FAM210A: variants seen among roughly 807,000 people sequenced by gnomAD.
FAM210A encodes the protein mitochondrial inner membrane scaffold 1, also known as family with sequence similarity 210 member A.
In FAM210A, 13 loss-of-function variants were observed where a neutral mutation model predicts 25.3. The observed-to-expected ratio is 0.51, with a 90% CI of 0.33 to 0.82. The LOEUF is 0.82. Ranked by LOEUF, FAM210A falls within the 40% of genes least tolerant of loss-of-function variation. The pLI, the probability that FAM210A is intolerant of heterozygous loss-of-function variation, is 0.02. For synonymous variants in FAM210A, 125 were observed against 118.7 expected (o/e 1.05, Z -0.35); for missense variants, 319 against 323.2 (o/e 0.99, Z 0.10).
At chr18:13,671,719 A>G in intron 3 of FAM210A, 143 bp downstream of exon 3, 1 of 476,444 alleles carries the variant, frequency 2.1e-6, no homozygotes, top group East Asian at 3.3e-5. Context: ...ATTATCTTAC[A>G]TTATTCACCA....
chr18:13,667,594 C>A (rs1255237895), intron 3 of FAM210A, among the ~76,000 whole-genome samples: 1 of 152,076 alleles, frequency 6.6e-6, no homozygotes, highest in Non-Finnish European at 1.5e-5. Flanking sequence ...TGGCAGGCAC[C>A]TGTAATCCCA....
chr18:13,717,083 C>A (rs888297413), intron 1 of FAM210A, among the ~76,000 whole-genome samples: 2 of 152,198 alleles, frequency 1.3e-5, no homozygotes, highest in Non-Finnish European at 2.9e-5. Flanking sequence ...CAGCTGAAAG[C>A]AGCTTACTGA....
chr18:13,706,286 C>T, intron 1 of FAM210A, among the ~76,000 whole-genome samples: 1 of 151,466 alleles, frequency 6.6e-6, no homozygotes, highest in East Asian at 1.9e-4. Context: ...AGTTCTACTA[C>T]CATGAGACTC....
Position 13,688,823 on chromosome 18 carries a change from G to A in FAM210A, c.-28-6718C>T, listed in dbSNP as rs116647563. On this transcript the variant is annotated intron_variant, in intron 1 of 3. Transcript: ENST00000651643. The stretch of plus-strand genomic sequence containing the variant: ...CTAGATGCTACCACATGGCCTGCAC[G>A]GAGTTCGCTCCAGCTGGTGCTAAAG... Among the ~76,000 whole-genome samples, 913 of 152,380 alleles carry A rather than the reference G, an allele frequency of 6.0e-3. 7 individuals carry two copies. The highest frequency in any genetic ancestry group is 0.02 in the African/African-American group (840 of 41,598).
At chr18:13,686,210 C>T (rs895268549) in intron 1 of FAM210A, among the ~76,000 whole-genome samples, 7 of 152,140 alleles carry the variant, frequency 4.6e-5, no homozygotes, top group African/African-American at 1.7e-4. Flanking sequence ...AAGATCTTAT[C>T]TGAGGAATTC....
Position 13,671,975 on chromosome 18 carries a change from T to TAA in FAM210A, c.474-3_474-2insTT. ...AGAAAAGGAACGACATTCACTCCTC[T>TAA]ACAAAAAAAAAAAAGTAATTTTCAT... On this transcript the variant is annotated splice_polypyrimidine_tract_variant and splice_region_variant and intron_variant, in intron 2 of 3. Coordinates refer to ENST00000651643, the MANE Select transcript of FAM210A (RefSeq NM_152352.4). The TAA allele has an allele frequency of 1.3e-6, 2 of 1,554,078 alleles. No individual in the cohort carries two copies. The highest frequency in any genetic ancestry group is 1.9e-5 in the Admixed American group (1 of 51,964).
intron 3 of FAM210A, 137 bp downstream of exon 3, chr18:13,671,725 C>T (rs1221322598): frequency 4.3e-6 from 2 of 470,388 alleles, no homozygotes; most frequent in Non-Finnish European, 7.8e-6. Flanking sequence ...TTACATTATT[C>T]ACCAGACATA....
rs1161261643 is a variant in FAM210A, at chr18:13,663,735, G to C, written c.*2745C>G. Reference sequence around the variant, plus strand: ...GCAGGCTGAGGTGGGAGGATCACTTGAGCCAGGAGTTCAAGACGCAAGTGA... The same window carrying C: ...GCAGGCTGAGGTGGGAGGATCACTTCAGCCAGGAGTTCAAGACGCAAGTGA... On this transcript the variant is annotated 3_prime_UTR_variant, in exon 4 of 4. Coordinates refer to ENST00000651643, the MANE Select transcript of FAM210A (RefSeq NM_152352.4). 6.6e-6 allele frequency: 1 copy of C among 152,112 alleles called. No individual in the cohort carries two copies. The allele number at this position is 152,112 out of a possible 1,614,324, so 9.4% of individuals were successfully genotyped here.
rs2043390953 is a variant in FAM210A, at chr18:13,665,373, C to G, written c.*1107G>C. 1 of 53,932 alleles carries G rather than the reference C, an allele frequency of 1.9e-5. No individual in the cohort carries two copies. Among genetic ancestry groups the G allele is most frequent in the Non-Finnish European group, 4.1e-5 (1 of 24,670 alleles). 3.3% of individuals were successfully genotyped at this position (53,932 alleles called of 1,614,324 possible). A position where few individuals can be genotyped will look rare whatever the true frequency, so the allele number is the denominator to read the frequency against. On this transcript the variant is annotated 3_prime_UTR_variant, in exon 4 of 4. Transcript: ENST00000651643. ...CCAGTCTGGGAGAGAGAGAGGGAGG[C>G]TCCGTCTCAAAAAAAAAAAAAAAAA...
chr18:13,714,905 G>A (rs144208132), intron 1 of FAM210A, among the ~76,000 whole-genome samples: 2 of 152,176 alleles, frequency 1.3e-5, no homozygotes, highest in East Asian at 1.9e-4. Context: ...AATGCACTAT[G>A]AATAGCGTCC....
At chr18:13,679,573 C>G (rs72884497) in intron 2 of FAM210A, among the ~76,000 whole-genome samples, 6 of 152,208 alleles carry the variant, frequency 3.9e-5, no homozygotes, top group Non-Finnish European at 8.8e-5. Flanking sequence ...GAAAGCAACC[C>G]ATCCTGCCCA....
intron 2 of FAM210A, among the ~76,000 whole-genome samples, chr18:13,677,981 C>CA (rs1233212384): frequency 3.4e-4 from 51 of 152,068 alleles, no homozygotes; most frequent in Non-Finnish European, 5.6e-4. Context: ...CATCAAAAGT[C>CA]AGAGGAAACC....
At chr18:13,725,742 C>G (rs2043937766) in intron 1 of FAM210A, among the ~76,000 whole-genome samples, 1 of 152,140 alleles carries the variant, frequency 6.6e-6, no homozygotes, top group African/African-American at 2.4e-5. Flanking sequence ...CGCTTTCACT[C>G]CCCAGTAGAA....
chr18:13,672,952 A>G (rs2043455643), intron 2 of FAM210A, among the ~76,000 whole-genome samples: 1 of 152,164 alleles, frequency 6.6e-6, no homozygotes, highest in Admixed American at 6.5e-5. Flanking sequence ...TTGAGCCGCA[A>G]CTTCTCCGTT....
At chr18:13,713,012 G>A (rs988831389) in intron 1 of FAM210A, among the ~76,000 whole-genome samples, 3 of 152,144 alleles carry the variant, frequency 2.0e-5, no homozygotes, top group Admixed American at 6.6e-5. Flanking sequence ...TCTATCTTTC[G>A]TTGTTACAAA....
chr18:13,722,647 G>A (rs1244066756), intron 1 of FAM210A, among the ~76,000 whole-genome samples: 1 of 152,130 alleles, frequency 6.6e-6, no homozygotes, highest in Non-Finnish European at 1.5e-5. Context: ...TTTAATAGCA[G>A]ACCAAGGTGA....
In FAM210A at chr18:13,666,705, T is replaced by C; in HGVS notation, c.594A>G (p.Thr198=). Residue 198 remains threonine, a synonymous_variant, in exon 4 of 4, where the codon ACA becomes ACG. Transcript: ENST00000651643. ...CCAAAGTCACGGTATACCGAGCAGG[T>C]GTTGCAATCTTAAGCAAAAAGCAAA... ...LTAYALFKIA[T]PARYTVTLGG... 1 of 1,611,418 alleles carries C rather than the reference T, an allele frequency of 6.2e-7. No individual in the cohort carries two copies. Among genetic ancestry groups the C allele is most frequent in the Non-Finnish European group, 8.5e-7 (1 of 1,178,018 alleles).
intron 1 of FAM210A, among the ~76,000 whole-genome samples, chr18:13,725,722 G>A (rs1038894630): frequency 1.3e-5 from 2 of 152,192 alleles, no homozygotes; most frequent in African/African-American, 4.8e-5. Flanking sequence ...TCGAGTTTCA[G>A]TACAGTAGGC....
chr18:13,704,157 A>T lies in FAM210A; in HGVS notation c.-28-22052T>A, dbSNP rs140936058. On this transcript the variant is annotated intron_variant, in intron 1 of 3. Transcript: ENST00000651643. ...TGTAATTAAAACTACTAAAAAAAAT[A>T]GTTTTACATGCAAGGCGTGTGAGGA... Among the ~76,000 whole-genome samples, 1,404 of 152,316 alleles carry T rather than the reference A, an allele frequency of 9.2e-3. 11 individuals carry two copies. The highest frequency in any genetic ancestry group is 0.015 in the Non-Finnish European group (1,032 of 68,012).
Sources: gnomAD v4.1 joint callset for allele counts (sites outside exome capture counted in the v4.1 genomes callset) on GRCh38, gnomAD v4.1.1 for gene constraint, MANE v1.5 for transcripts, NCBI Gene and HGNC (gene_info 2026-07-23, HGNC 2026-07-21) for gene names.